USP6NL: variants seen among roughly 807,000 people sequenced by gnomAD.
USP6NL encodes the protein USP6 N-terminal like.
In USP6NL, 26 loss-of-function variants were observed where a neutral mutation model predicts 61.9. The observed-to-expected ratio is 0.42, with a 90% CI of 0.31 to 0.58. The LOEUF is 0.58. USP6NL is among the 20% of genes least tolerant of loss of function. The pLI is 0.16. For synonymous variants in USP6NL, 432 were observed against 390.1 expected, an observed-to-expected ratio of 1.11 and a Z score of -1.27; for missense variants, 1,114 against 1,034.3, an observed-to-expected ratio of 1.08 and a Z score of -1.06.
intron 2 of USP6NL, among the ~76,000 whole-genome samples, chr10:11,552,166 C>A (rs765703689): frequency 6.6e-6 from 1 of 152,162 alleles, no homozygotes. Flanking sequence ...GTGGCATACA[C>A]ACACCAATTA....
At chr10:11,515,513 C>T (rs866124684) in intron 5 of USP6NL, among the ~76,000 whole-genome samples, 2 of 152,192 alleles carry the variant, frequency 1.3e-5, no homozygotes, top group Non-Finnish European at 2.9e-5. Context: ...TTTCAACTGG[C>T]TTCTGACGTG....
At chr10:11,577,969 A>T (rs1483999032) in intron 2 of USP6NL, among the ~76,000 whole-genome samples, 3 of 149,882 alleles carry the variant, frequency 2.0e-5, no homozygotes, top group Non-Finnish European at 3.0e-5. Flanking sequence ...AGGTGATGTT[A>T]TTTTCTTTTT....
chr10:11,512,334 C>A (rs926448994), intron 5 of USP6NL, among the ~76,000 whole-genome samples: 8 of 152,126 alleles, frequency 5.3e-5, no homozygotes, highest in Non-Finnish European at 8.8e-5. Flanking sequence ...TTCCCAGCCC[C>A]AAACCACACT....
chr10:11,610,049 C>T (rs1374337972), intron 1 of USP6NL, among the ~76,000 whole-genome samples: 1 of 152,090 alleles, frequency 6.6e-6, no homozygotes. Context: ...CTTTGAGTGC[C>T]TTTGTAACAA....
chr10:11,583,990 C>T (rs1837881542), intron 2 of USP6NL, among the ~76,000 whole-genome samples: 1 of 152,148 alleles, frequency 6.6e-6, no homozygotes, highest in Admixed American at 6.5e-5. Flanking sequence ...GATCACGTCA[C>T]TGCACTCCAG....
Position 11,509,729 on chromosome 10 carries a change from TTA to T in USP6NL, c.196-56_196-55del, listed in dbSNP as rs1834617661. ...TGTTGTTCGTTTCTTTACTTATGAGTTATAAAAAACTTCAAAGAAAATGCTTC... is the reference window on the plus strand; with the variant it reads ...TGTTGTTCGTTTCTTTACTTATGAGTTAAAAAACTTCAAAGAAAATGCTTC... On this transcript the variant is annotated intron_variant, in intron 5 of 14. Transcript: ENST00000609104. 4.2e-6 allele frequency: 6 copies of T among 1,427,640 alleles called. No homozygotes were observed. In the East Asian group the frequency reaches 1.5e-4, roughly 36 times the overall value. 88.4% of individuals were successfully genotyped at this position (1,427,640 alleles called of 1,614,324 possible). A position where few individuals can be genotyped will look rare whatever the true frequency, so the allele number is the denominator to read the frequency against.
In USP6NL at chr10:11,518,916, T is replaced by TA. The variant is rs1835084722; in HGVS notation, c.156-343_156-342insT. On this transcript the variant is annotated intron_variant, in intron 4 of 14. Coordinates refer to ENST00000609104, the MANE Select transcript of USP6NL (RefSeq NM_014688.5). The surrounding 1 kb of genome is among the most constrained non-coding windows in gnomAD (Gnocchi z 5.3). ...GTCACGTAGCTAGAAGCCACCATATTGAACGGTACAGATATAGAACATTTC... is the reference window on the plus strand; with the variant it reads ...GTCACGTAGCTAGAAGCCACCATATTAGAACGGTACAGATATAGAACATTTC... 6.6e-6 allele frequency among the ~76,000 whole-genome samples: 1 copy of TA among 152,262 alleles called. No homozygotes were observed. The highest frequency in any genetic ancestry group is 1.5e-5 in the Non-Finnish European group (1 of 68,046).
chr10:11,514,518 T>G (rs1331565646), intron 5 of USP6NL, among the ~76,000 whole-genome samples: 1 of 152,210 alleles, frequency 6.6e-6, no homozygotes, highest in Non-Finnish European at 1.5e-5. Flanking sequence ...AACCTCAAAC[T>G]GTCCCCTAGG....
chr10:11,480,131 C>G (rs1256776685), intron 14 of USP6NL, among the ~76,000 whole-genome samples: 3 of 152,204 alleles, frequency 2.0e-5, no homozygotes, highest in Non-Finnish European at 4.4e-5. Context: ...TGTCCCCATT[C>G]TATCATTTCC....
At chr10:11,556,171 T>C (rs1400053311) in intron 2 of USP6NL, among the ~76,000 whole-genome samples, 1 of 152,160 alleles carries the variant, frequency 6.6e-6, no homozygotes, top group Non-Finnish European at 1.5e-5. Context: ...AGGGCATAAA[T>C]GGAGTTAACT....
rs1838000479 is a variant in USP6NL, at chr10:11,587,155, A to G, written c.4+10476T>C. On this transcript the variant is annotated intron_variant, in intron 2 of 14. Transcript: ENST00000609104. The surrounding 1 kb of genome is among the most constrained non-coding windows in gnomAD (Gnocchi z 4.5). ...CTTGGCTGTATCATCTAAGACCACC[A>G]CAGAAACAGTACATATGTAGGGGCT... Among the ~76,000 whole-genome samples, 1 of 152,172 alleles carries G rather than the reference A, an allele frequency of 6.6e-6. No homozygotes were observed. Among genetic ancestry groups the G allele is most frequent in the Non-Finnish European group, 1.5e-5 (1 of 68,024 alleles).
At chr10:11,564,128 T>C (rs1320954480) in intron 2 of USP6NL, 3 of 152,220 alleles carry the variant, frequency 2.0e-5, no homozygotes, top group South Asian at 2.1e-4. Flanking sequence ...CATGACTAAG[T>C]AGCATAATGA....
In USP6NL at chr10:11,602,597, G is replaced by A. The variant is rs1287455972; in HGVS notation, c.-83-4880C>T. On this transcript the variant is annotated intron_variant, in intron 1 of 14. Coordinates refer to ENST00000609104, the MANE Select transcript of USP6NL (RefSeq NM_014688.5). This position sits in a 1 kb window ranked among gnomAD's most constrained non-coding sequence, Gnocchi z 4.8. ...CTTCATTGAGATTCACGGTTCATTA[G>A]TTCAAATATATGTCAGGGCAGACTC... Among the ~76,000 whole-genome samples, 1 of 152,088 alleles carries A rather than the reference G, an allele frequency of 6.6e-6. No homozygotes were observed. The highest frequency in any genetic ancestry group is 1.5e-5 in the Non-Finnish European group (1 of 68,004).
In USP6NL at chr10:11,462,319, A is replaced by G. The variant is rs1453838980; in HGVS notation, c.*122T>C. On this transcript the variant is annotated 3_prime_UTR_variant, in exon 15 of 15. Transcript: ENST00000609104. ...GACATTTCCCTGTATTCTTACTACTAACAGACAGGAGAGATGTGCGAGTTG... is the reference window on the plus strand; with the variant it reads ...GACATTTCCCTGTATTCTTACTACTGACAGACAGGAGAGATGTGCGAGTTG... 1.7e-6 allele frequency: 2 copies of G among 1,177,574 alleles called. No individual in the cohort carries two copies. The highest frequency in any genetic ancestry group is 2.3e-6 in the Non-Finnish European group (2 of 859,916). 72.9% of individuals were successfully genotyped at this position (1,177,574 alleles called of 1,614,324 possible).
At position 11,598,092 on chromosome 10, in the gene USP6NL, ATATTTTG is replaced by A. The variant is rs1838388687; in HGVS notation, c.-83-382_-83-376del. ...ACAGCCCACATCATCCCTGCTGAGT[ATATTTTG>A]ACTGCACATAAATGATTAATGTAAG... On this transcript the variant is annotated intron_variant, in intron 1 of 14. Transcript: ENST00000609104. This position sits in a 1 kb window ranked among gnomAD's most constrained non-coding sequence, Gnocchi z 4.7. 6.6e-6 allele frequency among the ~76,000 whole-genome samples: 1 copy of A among 152,206 alleles called. No homozygotes were observed. Among genetic ancestry groups the A allele is most frequent in the African/African-American group, 2.4e-5 (1 of 41,462 alleles).
chr10:11,560,796 GA>G (rs1443492820), intron 2 of USP6NL, among the ~76,000 whole-genome samples: 2 of 149,620 alleles, frequency 1.3e-5, no homozygotes, highest in Non-Finnish European at 3.0e-5. Context: ...TCTTTACTCA[GA>G]ACTAATTTAT....
At chr10:11,501,504 C>G (rs73569109) in intron 6 of USP6NL, among the ~76,000 whole-genome samples, 1 of 152,212 alleles carries the variant, frequency 6.6e-6, no homozygotes, top group East Asian at 1.9e-4. Flanking sequence ...GCAGTCAGTG[C>G]TCTTTTTAAA....
intron 13 of USP6NL, among the ~76,000 whole-genome samples, chr10:11,484,442 C>G (rs1295045094): frequency 1.3e-5 from 2 of 150,594 alleles, no homozygotes; most frequent in East Asian, 3.9e-4. Flanking sequence ...CCTATAGACA[C>G]TGGCTGAACT....
rs1832707551 is a variant in USP6NL at position 11,470,770 on chromosome 10, T to C, written c.1079-6921A>G. Reference sequence around the variant, plus strand: ...GAAAACTATATATAGGCAATAAGCATTCCTATTTATTATCCACGCTTGCAT... The same window carrying C: ...GAAAACTATATATAGGCAATAAGCACTCCTATTTATTATCCACGCTTGCAT... On this transcript the variant is annotated intron_variant, in intron 14 of 14. Coordinates refer to ENST00000609104, the MANE Select transcript of USP6NL (RefSeq NM_014688.5). This position sits in a 1 kb window ranked among gnomAD's most constrained non-coding sequence, Gnocchi z 5.4. Among the ~76,000 whole-genome samples, 1 of 152,240 alleles carries C rather than the reference T, an allele frequency of 6.6e-6. No homozygotes were observed. The highest frequency in any genetic ancestry group is 1.5e-5 in the Non-Finnish European group (1 of 68,040).
Sources: allele counts gnomAD v4.1 joint callset (sites outside exome capture counted in the v4.1 genomes callset), GRCh38; gene constraint gnomAD v4.1.1; non-coding constraint Gnocchi (gnomAD v3.1); transcripts MANE v1.5; gene names NCBI Gene and HGNC (gene_info 2026-07-23, HGNC 2026-07-21).